Variants in SLC2A9 observed in about 807,000 individuals in gnomAD.
SLC2A9 encodes solute carrier family 2 member 9.
SLC2A9 carries 39 observed loss-of-function variants against 50.6 expected under a neutral mutation model. That is an observed-to-expected ratio of 0.77 (90% CI 0.60 to 1.01). The LOEUF (loss-of-function observed/expected upper bound fraction) is 1.01, where lower values mean the gene tolerates loss of function less well. Ranked by LOEUF, SLC2A9 falls within the 50% of genes least tolerant of loss-of-function variation. SLC2A9 has a pLI of 0.00. For missense variants in SLC2A9, 686 were observed against 677.6 expected (o/e 1.01, Z -0.14); for synonymous variants, 324 against 276.9 (o/e 1.17, Z -1.69).
intron 10 of SLC2A9, among the ~76,000 whole-genome samples, chr4:9,882,513 C>G (rs1735400038): frequency 6.6e-6 from 1 of 151,952 alleles, no homozygotes; most frequent in Non-Finnish European, 1.5e-5. Context: ...TCGTGACCAT[C>G]CTGGCTAACA....
intron 2 of SLC2A9, among the ~76,000 whole-genome samples, chr4:10,015,362 T>C (rs1467175956): frequency 6.6e-6 from 1 of 152,164 alleles, no homozygotes; most frequent in Non-Finnish European, 1.5e-5. Flanking sequence ...AGACCTGGGT[T>C]TGAATTCCAA....
At chr4:10,002,279 C>T (rs1759975052) in intron 2 of SLC2A9, among the ~76,000 whole-genome samples, 3 of 152,214 alleles carry the variant, frequency 2.0e-5, no homozygotes, top group Admixed American at 6.5e-5. Flanking sequence ...TTTAGTTGTT[C>T]CTTACAACTA....
downstream of SLC2A9, among the ~76,000 whole-genome samples, chr4:9,775,315 G>A (rs540212779): frequency 4.6e-5 from 7 of 152,240 alleles, no homozygotes; most frequent in Admixed American, 2.6e-4. Flanking sequence ...TGGCAGCTGC[G>A]AGCCTCCTCA....
At chr4:9,890,257 A>C (rs1181984691) in intron 9 of SLC2A9, among the ~76,000 whole-genome samples, 1 of 152,206 alleles carries the variant, frequency 6.6e-6, no homozygotes, top group South Asian at 2.1e-4. Context: ...TCATGCTGGG[A>C]GGTGACAGCT....
intron 11 of SLC2A9, among the ~76,000 whole-genome samples, chr4:9,827,495 T>A (rs1439207876): frequency 6.6e-6 from 1 of 152,216 alleles, no homozygotes; most frequent in South Asian, 2.1e-4. Flanking sequence ...AGAAGCAATA[T>A]CCAGATTTTA....
intron 7 of SLC2A9, among the ~76,000 whole-genome samples, chr4:9,917,874 C>G (rs909759799): frequency 6.6e-6 from 1 of 152,152 alleles, no homozygotes; most frequent in Non-Finnish European, 1.5e-5. Context: ...GCACACAGCA[C>G]AGCCCCCATG....
intron 2 of SLC2A9, among the ~76,000 whole-genome samples, chr4:10,014,246 G>C (rs1422895740): frequency 2.0e-5 from 3 of 152,128 alleles, no homozygotes; most frequent in African/African-American, 7.2e-5. Context: ...CTGGACGCTG[G>C]GCTGAGCTCC....
At chr4:9,973,674 A>G (rs1170420797) in intron 5 of SLC2A9, among the ~76,000 whole-genome samples, 4 of 128,834 alleles carry the variant, frequency 3.1e-5, no homozygotes, top group African/African-American at 1.2e-4. Context: ...GAACACATGG[A>G]CACAGGAAGG....
intron 3 of SLC2A9, among the ~76,000 whole-genome samples, chr4:9,792,578 C>A (rs1247648969): frequency 1.3e-5 from 2 of 152,160 alleles, no homozygotes; most frequent in Non-Finnish European, 2.9e-5. Flanking sequence ...AGTGTCCCTG[C>A]ATGCAGCCAC....
intron 6 of SLC2A9, among the ~76,000 whole-genome samples, chr4:9,935,046 C>T (rs1322312656): frequency 6.6e-6 from 1 of 152,180 alleles, no homozygotes; most frequent in Non-Finnish European, 1.5e-5. Flanking sequence ...TTTTCTTCAT[C>T]CAGTCTATCA....
At chr4:10,017,114 C>G (rs1762735052) in intron 2 of SLC2A9, among the ~76,000 whole-genome samples, 1 of 152,254 alleles carries the variant, frequency 6.6e-6, no homozygotes, top group African/African-American at 2.4e-5. Flanking sequence ...CTCCTCCAGG[C>G]TGTCTTCCCT....
At chr4:9,998,678 C>T (rs977734391) in intron 2 of SLC2A9, among the ~76,000 whole-genome samples, 2 of 152,114 alleles carry the variant, frequency 1.3e-5, no homozygotes, top group African/African-American at 2.4e-5. Flanking sequence ...TTCTGGGGAG[C>T]CCTAGGATAT....
intron 7 of SLC2A9, among the ~76,000 whole-genome samples, chr4:9,912,738 G>A (rs544564139): frequency 1.3e-5 from 2 of 152,134 alleles, no homozygotes; most frequent in Non-Finnish European, 2.9e-5. Context: ...ACAGCCCCCC[G>A]CTCTCAAAAT....
intron 10 of SLC2A9, among the ~76,000 whole-genome samples, chr4:9,836,864 T>G (rs1286140799): frequency 6.6e-6 from 1 of 152,154 alleles, no homozygotes; most frequent in Non-Finnish European, 1.5e-5. Context: ...AGGAAGGGTC[T>G]GAATTTGGAG....
intron 10 of SLC2A9, among the ~76,000 whole-genome samples, chr4:9,850,253 C>T (rs184094798): frequency 6.8e-4 from 104 of 152,298 alleles, no homozygotes; most frequent in East Asian, 6.0e-3. Flanking sequence ...CCCCACAACC[C>T]CCACAGACAC....
intron 6 of SLC2A9, among the ~76,000 whole-genome samples, chr4:9,934,305 G>T (rs2110201800): frequency 6.6e-6 from 1 of 152,324 alleles, no homozygotes. Flanking sequence ...CCAAGTAGAT[G>T]AAGACACTAT....
intron 10 of SLC2A9, chr4:9,880,187 C>A (rs1477101280): frequency 1.0e-6 from 1 of 985,330 alleles, no homozygotes; most frequent in Non-Finnish European, 1.2e-6. Flanking sequence ...GGCAGCTTTT[C>A]TTAGACAGGT....
chr4:9,971,938 T>C (rs1183621591), intron 5 of SLC2A9, among the ~76,000 whole-genome samples: 4 of 152,236 alleles, frequency 2.6e-5, no homozygotes, highest in Non-Finnish European at 5.9e-5. Flanking sequence ...CTTGGACTGA[T>C]GCCACCCTTG....
At chr4:9,810,829 T>C (rs1226374462) in intron 3 of SLC2A9, among the ~76,000 whole-genome samples, 2 of 152,214 alleles carry the variant, frequency 1.3e-5, no homozygotes, top group Admixed American at 6.5e-5. Flanking sequence ...GGCATTTTCA[T>C]CCTGGAAGGG....
Sources: gnomAD v4.1 joint callset for allele counts (sites outside exome capture counted in the v4.1 genomes callset) on GRCh38, gnomAD v4.1.1 for gene constraint, MANE v1.5 for transcripts, NCBI Gene and HGNC (gene_info 2026-07-23, HGNC 2026-07-21) for gene names.